The following TENM1 variants were observed in gnomAD, a reference collection of about 807,000 sequenced individuals.
TENM1 encodes teneurin-1.
TENM1 carries 35 observed loss-of-function variants against 174.8 expected under a neutral mutation model. The ratio of observed to expected loss-of-function variants is 0.20; its 90% confidence interval spans 0.15 to 0.27. TENM1 has a LOEUF of 0.27. Ranked by LOEUF, TENM1 falls within the 10% of genes least tolerant of loss-of-function variation. The probability of loss-of-function intolerance (pLI) is 1.00; values close to 1 mark genes in which losing one functional copy is unlikely to be tolerated. For synonymous variants in TENM1, 781 were observed against 798.7 expected, an observed-to-expected ratio of 0.98 and a Z score of 0.37; for missense variants, 1,633 against 2,130.1, an observed-to-expected ratio of 0.77 and a Z score of 4.59.
chrX:124,948,502 C>T lies in TENM1; in HGVS notation c.217+15035G>A, dbSNP rs143947631. ...AATTTTATTTTAATCAATACTCTTT[C>T]AGGGTTTAAAAATTGTATTATCTGA... On this transcript the variant is annotated intron_variant, in intron 1 of 31. Transcript: ENST00000422452. Among the ~76,000 whole-genome samples, 482 of 112,475 alleles carry T rather than the reference C, an allele frequency of 4.3e-3. 4 individuals carry two copies. Among genetic ancestry groups the T allele is most frequent in the African/African-American group, 0.015 (461 of 30,826 alleles).
chrX:124,945,742 A>G (rs752769197), intron 1 of TENM1, among the ~76,000 whole-genome samples: 1 of 111,304 alleles, frequency 9.0e-6, no homozygotes, highest in South Asian at 3.8e-4. Flanking sequence ...ATATTGTCTC[A>G]GCTTGGTTTT....
At chrX:124,473,227 T>C (rs760463557) in intron 22 of TENM1, among the ~76,000 whole-genome samples, 17 of 111,849 alleles carry the variant, frequency 1.5e-4, no homozygotes, top group Non-Finnish European at 1.5e-4. Flanking sequence ...TAAATGTCTC[T>C]GGTGCTTTTA....
intron 3 of TENM1, among the ~76,000 whole-genome samples, chrX:124,801,423 T>A (rs905778925): frequency 4.5e-5 from 5 of 111,814 alleles, no homozygotes; most frequent in African/African-American, 1.6e-4. Flanking sequence ...CCCTGCTCTT[T>A]TTTGCTTTCC....
At chrX:125,069,588 C>T in the TENM1 span, among the ~76,000 whole-genome samples, 2 of 109,853 alleles carry the variant, frequency 1.8e-5, no homozygotes, top group African/African-American at 6.6e-5. Flanking sequence ...CAACACACTC[C>T]GGGGCCTGTT....
At chrX:125,151,368 G>C in the TENM1 span, among the ~76,000 whole-genome samples, 1 of 112,011 alleles carries the variant, frequency 8.9e-6, no homozygotes, top group Non-Finnish European at 1.9e-5. Flanking sequence ...TAACAGATCG[G>C]AGACCAGCGG....
the TENM1 span, among the ~76,000 whole-genome samples, chrX:125,108,216 CAG>C: frequency 9.0e-6 from 1 of 111,265 alleles, no homozygotes; most frequent in African/African-American, 3.3e-5. Context: ...GAGGATGCCT[CAG>C]AGTCTAATCT....
chrX:124,644,208 T>TAC (rs2051098339), intron 10 of TENM1, among the ~76,000 whole-genome samples: 1 of 101,908 alleles, frequency 9.8e-6, no homozygotes, highest in Admixed American at 1.1e-4. Context: ...AATTTACATA[T>TAC]ACATATATAT....
the TENM1 span, among the ~76,000 whole-genome samples, chrX:125,101,983 T>TA: frequency 4.4e-4 from 49 of 111,593 alleles, no homozygotes; most frequent in Non-Finnish European, 1.1e-4. Flanking sequence ...AGACAAGACT[T>TA]ACATCCAAAG....
the TENM1 span, among the ~76,000 whole-genome samples, chrX:125,066,713 A>G: frequency 8.9e-6 from 1 of 111,895 alleles, no homozygotes; most frequent in Non-Finnish European, 1.9e-5. Flanking sequence ...ATGAAAACAA[A>G]TTATCTATTT....
At chrX:125,002,536 T>C in the TENM1 span, among the ~76,000 whole-genome samples, 2 of 110,695 alleles carry the variant, frequency 1.8e-5, no homozygotes, top group Non-Finnish European at 3.8e-5. Context: ...AAGTGTCTTG[T>C]TACTCCTGAG....
intron 11 of TENM1, among the ~76,000 whole-genome samples, chrX:124,612,681 A>G (rs949115902): frequency 6.3e-5 from 7 of 111,276 alleles, no homozygotes; most frequent in African/African-American, 2.3e-4. Flanking sequence ...AGGCCTCCAC[A>G]TTGGGTAGGC....
chrX:125,041,356 C>CA, the TENM1 span, among the ~76,000 whole-genome samples: 1 of 110,890 alleles, frequency 9.0e-6, no homozygotes, highest in Non-Finnish European at 1.9e-5. Flanking sequence ...ACTTTCTCCA[C>CA]AAAAAAAGGC....
intron 23 of TENM1, among the ~76,000 whole-genome samples, chrX:124,437,517 T>TCTCA (rs2060856298): frequency 9.0e-6 from 1 of 111,454 alleles, no homozygotes; most frequent in Non-Finnish European, 1.9e-5. Context: ...TCTAGAAACT[T>TCTCA]CTCATTCTTG....
Position 124,487,244 on chromosome X carries a change from G to T in TENM1, c.3696-15C>A. The T allele has an allele frequency of 8.6e-7, 1 of 1,163,340 alleles. No homozygotes were observed. The highest frequency in any genetic ancestry group is 3.3e-5 in the East Asian group (1 of 30,691). The stretch of plus-strand genomic sequence containing the variant: ...TATCTCTGTTTCTAGGGTGCACAAG[G>T]TATCCACGAGTGGCAAGCAAAAGCA... On this transcript the variant is annotated splice_polypyrimidine_tract_variant and intron_variant, in intron 20 of 31. Coordinates refer to ENST00000422452, the Ensembl canonical transcript of TENM1.
chrX:124,707,593 G>A (rs756162078), intron 4 of TENM1, among the ~76,000 whole-genome samples: 10 of 111,280 alleles, frequency 9.0e-5, no homozygotes, highest in South Asian at 3.8e-4. Context: ...ACTAAATCAC[G>A]CAACCCACCA....
At chrX:124,759,479 T>C (rs778155059) in intron 3 of TENM1, among the ~76,000 whole-genome samples, 10 of 111,397 alleles carry the variant, frequency 9.0e-5, no homozygotes, top group African/African-American at 3.3e-4. Flanking sequence ...CCTCCTGCTC[T>C]TTTTCCTGAG....
intron 18 of TENM1, among the ~76,000 whole-genome samples, chrX:124,516,607 A>G (rs781758686): frequency 1.8e-5 from 2 of 112,136 alleles, no homozygotes; most frequent in Admixed American, 1.9e-4. Context: ...AAAAAGCTCA[A>G]TATCACCCAT....
intron 25 of TENM1, among the ~76,000 whole-genome samples, chrX:124,414,132 G>T (rs1017114555): frequency 4.5e-5 from 5 of 111,611 alleles, no homozygotes; most frequent in Non-Finnish European, 9.4e-5. Context: ...TTTTCTTGAT[G>T]GGAGGAGAGG....
chrX:124,996,549 CCACACACA>C, the TENM1 span, among the ~76,000 whole-genome samples: 14 of 96,140 alleles, frequency 1.5e-4, no homozygotes, highest in African/African-American at 4.8e-4. Context: ...AAAAAAAAAA[CCACACACA>C]CACACACACA....
Sources: allele counts gnomAD v4.1 joint callset (sites outside exome capture counted in the v4.1 genomes callset), GRCh38; gene constraint gnomAD v4.1.1; transcripts MANE v1.5; gene names NCBI Gene and HGNC (gene_info 2026-07-23, HGNC 2026-07-21).